Variants in LMBR1 observed in about 807,000 individuals in gnomAD.
LMBR1 encodes the protein limb development membrane protein 1.
A neutral mutation model predicts 73.9 loss-of-function variants in LMBR1; 52 were observed. The ratio of observed to expected loss-of-function variants is 0.70; its 90% CI spans 0.56 to 0.89. The LOEUF (loss-of-function observed/expected upper bound fraction) is 0.89. Among genes scored for constraint, LMBR1 ranks in the 40% least tolerant of loss-of-function variants. The pLI is 0.00. For missense variants in LMBR1, 539 were observed against 579.8 expected, an observed-to-expected ratio of 0.93 and a Z score of 0.72; for synonymous variants, 215 against 209.4, an observed-to-expected ratio of 1.03 and a Z score of -0.23.
chr7:156,692,259 T>C (rs1308298347), intron 15 of LMBR1, among the ~76,000 whole-genome samples: 2 of 152,130 alleles, frequency 1.3e-5, no homozygotes, highest in Non-Finnish European at 2.9e-5. Context: ...GTATTTTTAG[T>C]AGAGATGGGG....
At chr7:156,743,839 G>C (rs1819349393) in intron 9 of LMBR1, among the ~76,000 whole-genome samples, 1 of 152,180 alleles carries the variant, frequency 6.6e-6, no homozygotes, top group Non-Finnish European at 1.5e-5. Context: ...CCACACCAAA[G>C]TGAAGCTCTC....
At chr7:156,780,275 C>CA (rs776400305) in intron 5 of LMBR1, among the ~76,000 whole-genome samples, 72 of 152,158 alleles carry the variant, frequency 4.7e-4, no homozygotes, top group Non-Finnish European at 9.0e-4. Context: ...TAAAGCTGGA[C>CA]AAAAAGAAAG....
intron 9 of LMBR1, among the ~76,000 whole-genome samples, chr7:156,743,051 C>T: frequency 6.6e-6 from 1 of 152,130 alleles, no homozygotes; most frequent in Non-Finnish European, 1.5e-5. Context: ...AACATCCCTT[C>T]ATGATACAAA....
chr7:156,786,745 A>G (rs1444034128), intron 5 of LMBR1, among the ~76,000 whole-genome samples: 1 of 152,204 alleles, frequency 6.6e-6, no homozygotes, highest in Admixed American at 6.5e-5. Context: ...GAGTTTTCTC[A>G]CACAATTAAT....
At position 156,683,573 on chromosome 7, in the gene LMBR1, C is replaced by A. The variant is rs1316615999; in HGVS notation, c.*505G>T. 1 of 152,396 alleles carries A rather than the reference C, an allele frequency of 6.6e-6. No individual in the cohort carries two copies. The highest frequency in any genetic ancestry group is 1.5e-5 in the Non-Finnish European group (1 of 68,140). 9.4% of individuals were successfully genotyped at this position (152,396 alleles called of 1,614,324 possible). ...AACATAATTGCAACCATTACAGCTC[C>A]AACATACACTGCAAAAATGATATCT... is the stretch of plus-strand genomic sequence containing the variant. On this transcript the variant is annotated 3_prime_UTR_variant, in exon 17 of 17. Coordinates refer to ENST00000353442, the MANE Select transcript of LMBR1 (RefSeq NM_022458.4).
chr7:156,695,419 T>C (rs1160461099), intron 15 of LMBR1, among the ~76,000 whole-genome samples: 2 of 152,074 alleles, frequency 1.3e-5, no homozygotes, highest in Middle Eastern at 3.2e-3. Context: ...CCATGGGCTG[T>C]AGAGGAAGCA....
At chr7:156,781,384 A>G (rs1160530873) in intron 5 of LMBR1, among the ~76,000 whole-genome samples, 1 of 152,084 alleles carries the variant, frequency 6.6e-6, no homozygotes, top group African/African-American at 2.4e-5. Flanking sequence ...ACTCCAGACT[A>G]GTCCCCCGTT....
At chr7:156,741,963 T>C (rs1818984993) in intron 9 of LMBR1, among the ~76,000 whole-genome samples, 1 of 152,034 alleles carries the variant, frequency 6.6e-6, no homozygotes. Context: ...CTGGCCATAA[T>C]GGAATAAAAC....
intron 5 of LMBR1, among the ~76,000 whole-genome samples, chr7:156,788,339 T>C (rs1585794572): frequency 6.6e-6 from 1 of 152,342 alleles, no homozygotes; most frequent in African/African-American, 2.4e-5. Context: ...GACAGAACTT[T>C]ACTATCTGTA....
intron 8 of LMBR1, among the ~76,000 whole-genome samples, chr7:156,760,048 G>T (rs1264014682): frequency 6.6e-6 from 1 of 152,218 alleles, no homozygotes; most frequent in Admixed American, 6.5e-5. Flanking sequence ...GTCAAAGAAG[G>T]TGACCAGGGG....
At chr7:156,729,391 T>C (rs951692778) in intron 10 of LMBR1, among the ~76,000 whole-genome samples, 3 of 151,954 alleles carry the variant, frequency 2.0e-5, no homozygotes, top group Non-Finnish European at 4.4e-5. Context: ...GAGGGCTATA[T>C]TTGTATTTCA....
At position 156,683,088 on chromosome 7, in the gene LMBR1, T is replaced by A. The variant is rs1805352935; in HGVS notation, c.*990A>T. On this transcript the variant is annotated 3_prime_UTR_variant, in exon 17 of 17. Coordinates refer to ENST00000353442, the MANE Select transcript of LMBR1 (RefSeq NM_022458.4). ...ATGCTGATGCTGTGAACTTTGGATG[T>A]TAAACTGGTAAAAGCTGGAGGCTTC... 6.6e-6 allele frequency: 1 copy of A among 152,206 alleles called. No homozygotes were observed. Among genetic ancestry groups the A allele is most frequent in the Non-Finnish European group, 1.5e-5 (1 of 68,036 alleles). The allele number at this position is 152,206 out of a possible 1,614,324, so 9.4% of individuals were successfully genotyped here.
intron 7 of LMBR1, 34 bp downstream of exon 7, chr7:156,763,074 T>G: frequency 9.1e-7 from 1 of 1,095,148 alleles, no homozygotes; most frequent in Non-Finnish European, 1.3e-6. Context: ...ACAACTCTAC[T>G]TTTCTCTTAA....
At chr7:156,873,316 C>A (rs1799616241) in intron 1 of LMBR1, among the ~76,000 whole-genome samples, 1 of 151,502 alleles carries the variant, frequency 6.6e-6, no homozygotes, top group Non-Finnish European at 1.5e-5. Context: ...CCGGTGGGCT[C>A]CTGGTCTCGC....
rs146599158 is a variant in LMBR1, at chr7:156,810,793, C to G, written c.320-14301G>C. On this transcript the variant is annotated intron_variant, in intron 4 of 16. Transcript: ENST00000353442. ...TTTTTCCCTCTGTGTTTCACTTTCA[C>G]ATAGTTTTTTGATTTTTTTGTTTTT... Among the ~76,000 whole-genome samples the G allele has an allele frequency of 2.6e-3, 400 of 151,970 alleles. 4 individuals are homozygous for G. The highest frequency in any genetic ancestry group is 9.0e-3 in the African/African-American group (375 of 41,470).
chr7:156,791,954 T>C (rs1829297191), intron 5 of LMBR1, among the ~76,000 whole-genome samples: 1 of 152,240 alleles, frequency 6.6e-6, no homozygotes, highest in African/African-American at 2.4e-5. Flanking sequence ...AACAATCATA[T>C]GGAGATATTT....
intron 1 of LMBR1, among the ~76,000 whole-genome samples, chr7:156,851,890 A>T (rs1796289833): frequency 2.6e-5 from 4 of 152,220 alleles, no homozygotes; most frequent in Admixed American, 2.0e-4. Context: ...TTCAAAATGA[A>T]CACAATAAAA....
At chr7:156,748,171 C>T (rs142350161) in intron 9 of LMBR1, among the ~76,000 whole-genome samples, 275 of 152,198 alleles carry the variant, frequency 1.8e-3, no homozygotes, top group Middle Eastern at 0.014. Context: ...TGGCTATTGA[C>T]CTAGTAATGT....
intron 15 of LMBR1, among the ~76,000 whole-genome samples, chr7:156,697,847 CT>C (rs1477769395): frequency 6.6e-6 from 1 of 152,108 alleles, no homozygotes; most frequent in African/African-American, 2.4e-5. Context: ...ACATCGTCTG[CT>C]TATGAAGACA....
Sources: gnomAD v4.1 joint callset for allele counts (sites outside exome capture counted in the v4.1 genomes callset) on GRCh38, gnomAD v4.1.1 for gene constraint, MANE v1.5 for transcripts, NCBI Gene and HGNC (gene_info 2026-07-23, HGNC 2026-07-21) for gene names.